The following RAD51D variants were observed in gnomAD, a reference collection of about 807,000 sequenced individuals.
RAD51D encodes the protein RAD51 paralog D.
In RAD51D, 38 loss-of-function variants were observed where a neutral mutation model predicts 44.1. That is an observed-to-expected ratio of 0.86 (90% CI 0.67 to 1.13). The LOEUF is 1.13. Ranked by LOEUF, RAD51D falls within the 50% of genes most tolerant of loss-of-function variation. The pLI, the probability that RAD51D is intolerant of heterozygous loss-of-function variation, is 0.00. For missense variants in RAD51D, 390 were observed against 414.0 expected, an observed-to-expected ratio of 0.94 and a Z score of 0.50; for synonymous variants, 141 against 166.6, an observed-to-expected ratio of 0.85 and a Z score of 1.18.
rs1244028933 is a variant in RAD51D, at chr17:35,099,625, T to C, written c.*1328A>G. 2.7e-6 allele frequency: 1 copy of C among 365,810 alleles called. No individual in the cohort carries two copies. The highest frequency in any genetic ancestry group is 5.3e-6 in the Non-Finnish European group (1 of 187,226). The allele number at this position is 365,810 out of a possible 1,614,324, so 22.7% of individuals were successfully genotyped here. ...GCCACTCCTTCCCAATCCTCCATGA[T>C]TCTATCCCTGTTGCATTCATCACCT... On this transcript the variant is annotated 3_prime_UTR_variant, in exon 10 of 10. Transcript: ENST00000345365.
At chr17:35,118,998 C>A (rs771939958) in intron 2 of RAD51D, 113 bp downstream of exon 2, 28 of 993,312 alleles carry the variant, frequency 2.8e-5, no homozygotes, top group Non-Finnish European at 4.0e-5. Flanking sequence ...GACCCACCCG[C>A]CTCGGCCTCC....
chr17:35,112,376 ATTTTGTTTG>A (rs897822934), intron 3 of RAD51D, among the ~76,000 whole-genome samples: 5 of 151,684 alleles, frequency 3.3e-5, no homozygotes, highest in African/African-American at 1.2e-4. Flanking sequence ...ACGCCCAGCC[ATTTTGTTTG>A]TTTTGTTTTT....
At chr17:35,114,146 C>A (rs1295702992) in intron 3 of RAD51D, among the ~76,000 whole-genome samples, 1 of 152,102 alleles carries the variant, frequency 6.6e-6, no homozygotes, top group East Asian at 1.9e-4. Context: ...GTGGCGGGCG[C>A]CTGTAGTCCC....
intron 3 of RAD51D, among the ~76,000 whole-genome samples, chr17:35,117,794 T>C (rs1256038108): frequency 6.6e-6 from 1 of 152,140 alleles, no homozygotes; most frequent in Non-Finnish European, 1.5e-5. Flanking sequence ...GAGCACTGCA[T>C]CTGGACCGCA....
rs746984258 is a variant in RAD51D at position 35,118,578 on chromosome 17, C to T, written c.186G>A (p.Ser62=). 9.9e-6 allele frequency: 16 copies of T among 1,614,058 alleles called. No individual in the cohort carries two copies. In the South Asian group the frequency reaches 1.3e-4, roughly 13 times the overall value. The change falls in exon 3 of 10, where the codon TCG becomes TCA. Residue 62 remains serine, a synonymous_variant. Transcript: ENST00000345365. ...ALRRVLLAQF[S]AFPVNGADLY... is the part of the protein sequence containing the mutation. ...GATCAGCGCCATTCACGGGGAAAGC[C>T]GAGAACTGAGCCAGCAGCACCCGCC...
intron 1 of RAD51D, 80 bp from the exon 2 acceptor site, chr17:35,119,252 G>C (rs1216517342): frequency 3.8e-6 from 5 of 1,324,296 alleles, no homozygotes; most frequent in Admixed American, 3.4e-5. Context: ...CTGTCAAATG[G>C]GGTGTCAATT....
chr17:35,101,591 G>A (rs1223169990), intron 8 of RAD51D, among the ~76,000 whole-genome samples: 2 of 152,114 alleles, frequency 1.3e-5, no homozygotes, highest in East Asian at 1.9e-4. Flanking sequence ...ACCAGAAGGC[G>A]ATGGGGCACA....
chr17:35,115,900 G>A (rs1266674320), intron 3 of RAD51D, among the ~76,000 whole-genome samples: 1 of 66,356 alleles, frequency 1.5e-5, no homozygotes, highest in South Asian at 5.6e-4. Flanking sequence ...AGAAGGAAAG[G>A]AAGGAAGGAA....
chr17:35,119,476 C>T (rs2142479516), intron 1 of RAD51D, 56 bp downstream of exon 1: 1 of 1,583,356 alleles, frequency 6.3e-7, no homozygotes, highest in South Asian at 1.1e-5. Context: ...GCCCTCGGGG[C>T]CTGCCCAGGT....
chr17:35,119,517 C>T lies in RAD51D; in HGVS notation c.82+15G>A, dbSNP rs778216370. On this transcript the variant is annotated intron_variant, in intron 1 of 9. Transcript: ENST00000345365. The stretch of plus-strand genomic sequence containing the variant: ...GAGGCCCGCGCGGCTCCCTGGCACG[C>T]GCACACCCGGTCACCTGTCTTGATC... 1 of 1,610,344 alleles carries T rather than the reference C, an allele frequency of 6.2e-7. No homozygotes were observed. The highest frequency in any genetic ancestry group is 1.1e-5 in the South Asian group (1 of 91,074).
chr17:35,107,190 C>T (rs1420821162), intron 4 of RAD51D, 68 bp from the exon 5 acceptor site: 1 of 1,589,922 alleles, frequency 6.3e-7, no homozygotes, highest in Admixed American at 1.7e-5. Context: ...CCCCACCAAA[C>T]CTTGCCCAGA....
At position 35,103,665 on chromosome 17, in the gene RAD51D, C is replaced by T. The variant is rs1055296931; in HGVS notation, c.577-121G>A. 2.7e-6 allele frequency: 2 copies of T among 738,632 alleles called. No individual in the cohort carries two copies. Among genetic ancestry groups the T allele is most frequent in the African/African-American group, 1.7e-5 (1 of 57,786 alleles). 45.8% of individuals were successfully genotyped at this position (738,632 alleles called of 1,614,324 possible). A position where few individuals can be genotyped will look rare whatever the true frequency, so the allele number is the denominator to read the frequency against. ...GCCCCCCCATCCCAAATACAGCAAG[C>T]TGCACGGGCATCACAGAATGTCATC... On this transcript the variant is annotated intron_variant, in intron 6 of 9. Coordinates refer to ENST00000345365, the MANE Select transcript of RAD51D (RefSeq NM_002878.4). This position sits in a 1 kb window ranked among gnomAD's most constrained non-coding sequence, Gnocchi z 4.1.
intron 6 of RAD51D, among the ~76,000 whole-genome samples, chr17:35,105,259 A>T (rs1221247354): frequency 6.6e-6 from 1 of 152,182 alleles, no homozygotes; most frequent in Non-Finnish European, 1.5e-5. Flanking sequence ...CTGGTGGGTC[A>T]TAACCAGCTA....
Position 35,101,239 on chromosome 17 carries a change from C to T in RAD51D, c.865G>A (p.Gly289Ser), listed in dbSNP as rs587782129. The change falls in exon 9 of 10, where the codon GGC becomes AGC. Residue 289 changes from glycine to serine, a missense_variant. By Grantham distance (56) the Gly-to-Ser change is moderately conservative. Coordinates refer to ENST00000345365, the MANE Select transcript of RAD51D (RefSeq NM_002878.4). ...DTIEGAGASG[G>S]RRMACLAKSS... ...TTGGCCAGACACGCCATGCGCCGGC[C>T]GCCTGATGCTCCTGCTCCCTCGATG... The T allele has an allele frequency of 6.8e-6, 11 of 1,614,202 alleles. No homozygotes were observed. Among genetic ancestry groups the T allele is most frequent in the South Asian group, 1.1e-5 (1 of 91,088 alleles).
chr17:35,104,535 C>G (rs2142423960), intron 6 of RAD51D, among the ~76,000 whole-genome samples: 1 of 152,310 alleles, frequency 6.6e-6, no homozygotes, highest in South Asian at 2.1e-4. Context: ...ACATTGGGTG[C>G]ACACTACGGG....
chr17:35,116,830 G>A (rs2091754340), intron 3 of RAD51D: 7 of 1,452,690 alleles, frequency 4.8e-6, no homozygotes, highest in Non-Finnish European at 6.6e-6. Context: ...GCTCATTGGT[G>A]GTTGTGACGA....
intron 3 of RAD51D, among the ~76,000 whole-genome samples, chr17:35,114,133 G>A (rs1015343155): frequency 5.3e-5 from 8 of 152,128 alleles, no homozygotes; most frequent in Non-Finnish European, 1.5e-5. Flanking sequence ...TTAGCTGGGC[G>A]TGGTGGCGGG....
intron 1 of RAD51D, 36 bp from the exon 2 acceptor site, chr17:35,119,208 G>A (rs775735410): frequency 1.3e-6 from 2 of 1,577,288 alleles, no homozygotes; most frequent in Admixed American, 1.7e-5. Context: ...TTGGCAGAGA[G>A]GACTGGGGCC....
intron 3 of RAD51D, among the ~76,000 whole-genome samples, chr17:35,111,653 T>C (rs1410063711): frequency 6.6e-6 from 1 of 152,222 alleles, no homozygotes; most frequent in African/African-American, 2.4e-5. Context: ...CATCTGTCCC[T>C]TGGTCAATAC....
Sources: allele counts gnomAD v4.1 joint callset (sites outside exome capture counted in the v4.1 genomes callset), GRCh38; gene constraint gnomAD v4.1.1; non-coding constraint Gnocchi (gnomAD v3.1); transcripts MANE v1.5; gene names NCBI Gene and HGNC (gene_info 2026-07-23, HGNC 2026-07-21).